The following CUX2 variants were observed in gnomAD, a reference collection of about 807,000 sequenced individuals.
The protein encoded by CUX2 is cut like homeobox 2.
A neutral mutation model predicts 144.8 loss-of-function variants in CUX2; 40 were observed. That is an observed-to-expected ratio of 0.28 (90% confidence interval 0.21 to 0.36). CUX2 has a LOEUF of 0.36. Among genes scored for constraint, CUX2 ranks in the 10% least tolerant of loss-of-function variants. The pLI is 1.00. For missense variants in CUX2, 1,615 were observed against 1,994.0 expected (o/e 0.81, Z 3.62); for synonymous variants, 827 against 875.6 (o/e 0.94, Z 0.98).
chr12:111,245,655 A>G (rs1883245145), intron 3 of CUX2, among the ~76,000 whole-genome samples: 2 of 152,152 alleles, frequency 1.3e-5, no homozygotes, highest in Non-Finnish European at 2.9e-5. Context: ...CCTGGGAAAA[A>G]GAGAATGAGA....
intron 3 of CUX2, among the ~76,000 whole-genome samples, chr12:111,224,343 G>A (rs1236823088): frequency 1.3e-5 from 2 of 151,780 alleles, no homozygotes; most frequent in Non-Finnish European, 2.9e-5. Flanking sequence ...GGGAGTGGAG[G>A]GTTTCCTCAC....
At position 111,320,510 on chromosome 12, in the gene CUX2, C is replaced by G. The variant is rs766661169; in HGVS notation, c.2501C>G (p.Pro834Arg). The G allele has an allele frequency of 2.5e-5, 39 of 1,579,054 alleles. No homozygotes were observed. In the South Asian group the frequency reaches 3.6e-4, roughly 15 times the overall value. The part of the protein sequence containing the change: ...WPRGDEAPVP[P>R]EDEAAAGAED... Reference sequence around the variant, plus strand: ...CGCGGGGACGAGGCCCCTGTGCCCCCCGAGGACGAGGCGGCGGCAGGGGCG... The same window carrying G: ...CGCGGGGACGAGGCCCCTGTGCCCCGCGAGGACGAGGCGGCGGCAGGGGCG... The change falls in exon 17 of 22, where the codon CCC becomes CGC. Residue 834 changes from proline (P) to arginine (R), a missense_variant. Pro to Arg is a moderately radical substitution (Grantham distance 103). Around this residue, in one of 12 missense-constraint regions of CUX2, gnomAD observed 390 missense variants for 387.1 expected, o/e 1.01. Coordinates refer to ENST00000261726, the MANE Select transcript of CUX2 (RefSeq NM_015267.4). This position sits in a 1 kb window ranked among gnomAD's most constrained non-coding sequence, Gnocchi z 8.1.
Position 111,293,583 on chromosome 12 carries a change from G to C in CUX2, c.560+14G>C. 2.6e-6 allele frequency: 4 copies of C among 1,564,940 alleles called. No individual in the cohort carries two copies. The highest frequency in any genetic ancestry group is 3.5e-6 in the Non-Finnish European group (4 of 1,154,836). ...GGAAAAACAAAAGTGAGGAAGGGAA[G>C]GTGGGTGGGAGGGAGGAAGGAATGG... On this transcript the variant is annotated intron_variant, in intron 6 of 21. Transcript: ENST00000261726. This position sits in a 1 kb window ranked among gnomAD's most constrained non-coding sequence, Gnocchi z 4.5.
chr12:111,187,141 G>A (rs970558097), intron 1 of CUX2, among the ~76,000 whole-genome samples: 5 of 152,150 alleles, frequency 3.3e-5, no homozygotes, highest in Admixed American at 6.5e-5. Flanking sequence ...TGCAGAGCTG[G>A]GGCTATCCAG....
intron 8 of CUX2, 53 bp downstream of exon 8, chr12:111,296,592 G>C: frequency 6.5e-7 from 1 of 1,531,756 alleles, no homozygotes; most frequent in South Asian, 1.2e-5. Context: ...TCCCAGACAG[G>C]CCTCCTCCTT....
At position 111,171,619 on chromosome 12, in the gene CUX2, A is replaced by G. The variant is rs1402353681; in HGVS notation, c.64-42581A>G. Among the ~76,000 whole-genome samples the G allele has an allele frequency of 6.6e-6, 1 of 152,156 alleles. No individual in the cohort carries two copies. The highest frequency in any genetic ancestry group is 1.5e-5 in the Non-Finnish European group (1 of 68,020). ...CTGGGGCTATGGGACGGAAAAGCCC[A>G]GAGTGCCCTCTCTGAGGAGTCATCC... On this transcript the variant is annotated intron_variant, in intron 1 of 21. Coordinates refer to ENST00000261726, the MANE Select transcript of CUX2 (RefSeq NM_015267.4). The surrounding 1 kb of genome is among the most constrained non-coding windows in gnomAD (Gnocchi z 5.0).
At chr12:111,087,366 C>CAAAAAAAAAAAAAAAA (rs1159500448) in intron 1 of CUX2, among the ~76,000 whole-genome samples, 4 of 45,050 alleles carry the variant, frequency 8.9e-5, no homozygotes, top group Non-Finnish European at 1.6e-4. Context: ...GACTCCATCT[C>CAAAAAAAAAAAAAAAA]AAAAAAAAAA....
At chr12:111,212,867 AG>A (rs771063579) in intron 1 of CUX2, among the ~76,000 whole-genome samples, 109 of 152,340 alleles carry the variant, frequency 7.2e-4, no homozygotes, top group Admixed American at 2.0e-3. Flanking sequence ...ACATGATATA[AG>A]ACAATTACCA....
intron 19 of CUX2, among the ~76,000 whole-genome samples, chr12:111,337,537 A>G (rs534615609): frequency 1.6e-4 from 24 of 152,248 alleles, no homozygotes; most frequent in African/African-American, 5.8e-4. Flanking sequence ...TGCTGCCTCT[A>G]AAAATAAGTC....
chr12:111,250,247 A>G (rs896551535), intron 3 of CUX2, among the ~76,000 whole-genome samples: 3 of 152,116 alleles, frequency 2.0e-5, no homozygotes, highest in African/African-American at 7.2e-5. Flanking sequence ...CCACTTGCCC[A>G]CTTCAGGTGT....
intron 3 of CUX2, among the ~76,000 whole-genome samples, chr12:111,256,479 G>A (rs868094121): frequency 3.3e-5 from 5 of 151,926 alleles, no homozygotes; most frequent in Admixed American, 2.6e-4. Flanking sequence ...CACATCAGAC[G>A]TCCACCCCCC....
At chr12:111,140,818 C>T (rs2136122999) in intron 1 of CUX2, among the ~76,000 whole-genome samples, 1 of 152,298 alleles carries the variant, frequency 6.6e-6, no homozygotes, top group South Asian at 2.1e-4. Context: ...TTCAGTTTTC[C>T]CCTCTCTAAA....
At chr12:111,135,490 A>C (rs1875818298) in intron 1 of CUX2, among the ~76,000 whole-genome samples, 1 of 152,182 alleles carries the variant, frequency 6.6e-6, no homozygotes, top group African/African-American at 2.4e-5. Flanking sequence ...GAATATACCC[A>C]AAAAAATTGA....
At chr12:111,113,842 C>G (rs1007646815) in intron 1 of CUX2, among the ~76,000 whole-genome samples, 1 of 152,276 alleles carries the variant, frequency 6.6e-6, no homozygotes, top group Non-Finnish European at 1.5e-5. Flanking sequence ...CAGGCGTGAG[C>G]TGCCGCGTCT....
rs1232230162 is a variant in CUX2 at position 111,157,010 on chromosome 12, CAG to C, written c.64-57188_64-57187del. Among the ~76,000 whole-genome samples the C allele has an allele frequency of 1.4e-3, 118 of 82,034 alleles. 2 individuals are homozygous for C. Among genetic ancestry groups the C allele is most frequent in the South Asian group, 3.4e-3 (8 of 2,356 alleles). 53.8% of individuals were successfully genotyped at this position (82,034 alleles called of 152,430 possible). A position where few individuals can be genotyped will look rare whatever the true frequency, so the allele number is the denominator to read the frequency against. ...CAAAAAAAAAAAAAAAAAAAAAAAACAGAAACAGAAACAAAAAACAGGAGTAA... is the reference window on the plus strand; with the variant it reads ...CAAAAAAAAAAAAAAAAAAAAAAAACAAACAGAAACAAAAAACAGGAGTAA... On this transcript the variant is annotated intron_variant, in intron 1 of 21. Transcript: ENST00000261726.
intron 2 of CUX2, among the ~76,000 whole-genome samples, chr12:111,216,143 G>A (rs1881515841): frequency 6.6e-6 from 1 of 152,236 alleles, no homozygotes. Flanking sequence ...GGCAGCATTA[G>A]CACGAAGTCC....
At chr12:111,323,329 C>T (rs1374532548) in intron 18 of CUX2, among the ~76,000 whole-genome samples, 2 of 152,042 alleles carry the variant, frequency 1.3e-5, no homozygotes, top group Non-Finnish European at 2.9e-5. Flanking sequence ...TTCACAGAAA[C>T]GAGCCAGGTC....
intron 1 of CUX2, among the ~76,000 whole-genome samples, chr12:111,146,981 A>G (rs1428943971): frequency 6.6e-6 from 1 of 152,148 alleles, no homozygotes; most frequent in Admixed American, 6.5e-5. Flanking sequence ...TAAAAATACA[A>G]AAAATTAGTT....
At position 111,287,077 on chromosome 12, in the gene CUX2, C is replaced by T. The variant is rs1444895069; in HGVS notation, c.302-4341C>T. 6.6e-6 allele frequency among the ~76,000 whole-genome samples: 1 copy of T among 152,178 alleles called. No individual in the cohort carries two copies. Among genetic ancestry groups the T allele is most frequent in the African/African-American group, 2.4e-5 (1 of 41,446 alleles). On this transcript the variant is annotated intron_variant, in intron 4 of 21. Transcript: ENST00000261726. This position sits in a 1 kb window ranked among gnomAD's most constrained non-coding sequence, Gnocchi z 4.2. ...GGACCTGAATCAAAGGTCCAGCCAG[C>T]CCCTGTTCCCACCAGCCTCTCTGGG...
Sources: gnomAD v4.1 joint callset for allele counts (sites outside exome capture counted in the v4.1 genomes callset) on GRCh38, gnomAD v4.1.1 for gene constraint, gnomAD v4.1.1 regional missense constraint, Gnocchi (gnomAD v3.1) non-coding constraint, MANE v1.5 for transcripts, NCBI Gene and HGNC (gene_info 2026-07-23, HGNC 2026-07-21) for gene names.